The following TAF2 variants were observed in gnomAD, a reference collection of about 807,000 sequenced individuals.
TAF2 encodes the protein transcription initiation factor TFIID subunit 2.
A neutral mutation model predicts 138.5 loss-of-function variants in TAF2; 61 were observed. The observed-to-expected ratio is 0.44, with a 90% CI of 0.36 to 0.54. TAF2 has a LOEUF of 0.54. Ranked by LOEUF, TAF2 falls within the 20% of genes least tolerant of loss-of-function variation. TAF2 has a pLI of 0.00. For missense variants in TAF2, 1,090 were observed against 1,427.9 expected, an observed-to-expected ratio of 0.76 and a Z score of 3.81; for synonymous variants, 475 against 469.9, an observed-to-expected ratio of 1.01 and a Z score of -0.14.
At chr8:119,767,936 C>T (rs946198248) in intron 18 of TAF2, among the ~76,000 whole-genome samples, 1 of 152,186 alleles carries the variant, frequency 6.6e-6, no homozygotes, top group African/African-American at 2.4e-5. Flanking sequence ...TGCCACACTG[C>T]CACCTCGAGG....
chr8:119,765,968 C>T (rs1423030569), intron 18 of TAF2, among the ~76,000 whole-genome samples: 1 of 151,980 alleles, frequency 6.6e-6, no homozygotes, highest in East Asian at 1.9e-4. Context: ...TTTCAGGAGT[C>T]CAGGGAAGAA....
At chr8:119,804,071 T>C (rs1240756120) in intron 4 of TAF2, 52 bp from the exon 5 acceptor site, 4 of 1,594,600 alleles carry the variant, frequency 2.5e-6, no homozygotes, top group African/African-American at 1.3e-5. Context: ...CAGTGGTCTA[T>C]ATAATAAAGA....
intron 15 of TAF2, among the ~76,000 whole-genome samples, chr8:119,784,016 A>G (rs535552027): frequency 6.6e-6 from 1 of 152,380 alleles, no homozygotes; most frequent in East Asian, 1.9e-4. Flanking sequence ...AGCTGACTTA[A>G]GACTTTTTAA....
In TAF2 at chr8:119,791,693, G is replaced by A. The variant is rs1449795618; in HGVS notation, c.1278-234C>T. The stretch of plus-strand genomic sequence containing the variant: ...GGAAACAAACACCAAGCTCCTAGAT[G>A]GGAAGATACAATACTGTAAATACTT... On this transcript the variant is annotated intron_variant, in intron 10 of 25. Coordinates refer to ENST00000378164, the MANE Select transcript of TAF2 (RefSeq NM_003184.4). 6 of 451,582 alleles carry A rather than the reference G, an allele frequency of 1.3e-5. No individual in the cohort carries two copies. In the East Asian group the frequency reaches 2.0e-4, roughly 15 times the overall value. The allele number at this position is 451,582 out of a possible 1,614,324, so 28.0% of individuals were successfully genotyped here.
In TAF2 at chr8:119,746,714, AAATCCAACT is replaced by A; in HGVS notation, c.3090_3098del (p.Val1031_Phe1033del). 1 of 1,614,134 alleles carries A rather than the reference AAATCCAACT, an allele frequency of 6.2e-7. No homozygotes were observed. The highest frequency in any genetic ancestry group is 8.5e-7 in the Non-Finnish European group (1 of 1,179,986). On this transcript the variant is annotated inframe_deletion, in exon 23 of 26. Transcript: ENST00000378164. ...TACATGTGATTCTTACAGGGTTCTG[AAATCCAACT>A]AGCTGTGGGTGACTGCTTGGATTAT...
intron 3 of TAF2, among the ~76,000 whole-genome samples, chr8:119,814,386 A>C (rs1391657378): frequency 2.6e-5 from 4 of 152,146 alleles, no homozygotes; most frequent in Non-Finnish European, 5.9e-5. Context: ...GACATTAATG[A>C]AATAATTTTA....
chr8:119,791,239 G>A, intron 11 of TAF2, 85 bp downstream of exon 11: 1 of 1,508,752 alleles, frequency 6.6e-7, no homozygotes, highest in East Asian at 2.3e-5. Flanking sequence ...CAGATGTCCT[G>A]ACTCCTATTC....
At chr8:119,807,053 A>G (rs533746090) in intron 3 of TAF2, among the ~76,000 whole-genome samples, 1 of 152,342 alleles carries the variant, frequency 6.6e-6, no homozygotes, top group South Asian at 2.1e-4. Flanking sequence ...ATTATTCCCT[A>G]TCAATGTGGC....
At position 119,762,412 on chromosome 8, in the gene TAF2, T is replaced by G. The variant is rs1305467620; in HGVS notation, c.2558+3A>C. 35 of 1,613,070 alleles carry G rather than the reference T, an allele frequency of 2.2e-5. No individual in the cohort carries two copies. Among genetic ancestry groups the G allele is most frequent in the Non-Finnish European group, 3.0e-5 (35 of 1,179,310 alleles). Reference sequence around the variant, plus strand: ...AACTTTAAAGTAAGGAATTTAATCATACCTGACAGTGATGGTATGCCTGTA... The same window carrying G: ...AACTTTAAAGTAAGGAATTTAATCAGACCTGACAGTGATGGTATGCCTGTA... On this transcript the variant is annotated splice_donor_region_variant and intron_variant, in intron 19 of 25. Transcript: ENST00000378164.
intron 25 of TAF2, among the ~76,000 whole-genome samples, chr8:119,736,898 A>T (rs776073367): frequency 2.0e-5 from 3 of 152,214 alleles, no homozygotes; most frequent in Non-Finnish European, 4.4e-5. Flanking sequence ...TCATGGGTAT[A>T]AAATTAATAA....
rs756356304 is a variant in TAF2 at position 119,762,446 on chromosome 8, G to A, written c.2527C>T (p.Leu843Phe). ...ITRFLNMEKLLPSYRHTITVS... is the reference protein window; with the variant it reads ...ITRFLNMEKLFPSYRHTITVS... ...GTGATGGTATGCCTGTAACTCGGAA[G>A]AAGTTTTTCCATATTCAAAAATCTG... Residue 843 changes from leucine to phenylalanine, a missense_variant, in exon 19 of 26, where the codon CTT becomes TTT. Leu to Phe is a conservative substitution (Grantham distance 22). This residue lies in a region of TAF2 where 580 missense variants were observed against 719.6 expected (regional missense o/e 0.81). Transcript: ENST00000378164. 1.2e-6 allele frequency: 2 copies of A among 1,613,948 alleles called. No homozygotes were observed. Among genetic ancestry groups the A allele is most frequent in the Non-Finnish European group, 1.7e-6 (2 of 1,179,912 alleles).
chr8:119,812,734 T>TGG (rs1212360225), intron 3 of TAF2, among the ~76,000 whole-genome samples: 5 of 135,426 alleles, frequency 3.7e-5, no homozygotes, highest in Non-Finnish European at 7.9e-5. Context: ...TGTGTGTGTG[T>TGG]GTGTGTGTGT....
chr8:119,830,613 G>T (rs73705433), intron 2 of TAF2, among the ~76,000 whole-genome samples: 1,689 of 152,142 alleles, frequency 0.011, 33 homozygotes, highest in African/African-American at 0.039. Context: ...AATCTTTTAG[G>T]AACATTACAA....
At chr8:119,819,252 CAA>C (rs542219064) in intron 3 of TAF2, 92 bp downstream of exon 3, 27 of 1,166,944 alleles carry the variant, frequency 2.3e-5, no homozygotes, top group Non-Finnish European at 2.7e-5. Flanking sequence ...ATTAACGATC[CAA>C]AAAAAAAATA....
chr8:119,790,838 C>T (rs1041352794), intron 11 of TAF2, among the ~76,000 whole-genome samples: 3 of 152,012 alleles, frequency 2.0e-5, no homozygotes, highest in Non-Finnish European at 4.4e-5. Context: ...ACTCTGTCAC[C>T]CAGGCTGGTA....
intron 4 of TAF2, among the ~76,000 whole-genome samples, chr8:119,804,369 C>G (rs1377950712): frequency 6.6e-6 from 1 of 152,150 alleles, no homozygotes; most frequent in African/African-American, 2.4e-5. Context: ...AATCCAACCC[C>G]AAACTTACTG....
intron 21 of TAF2, among the ~76,000 whole-genome samples, chr8:119,756,947 T>C (rs1324725638): frequency 1.3e-5 from 2 of 152,150 alleles, no homozygotes; most frequent in Non-Finnish European, 2.9e-5. Context: ...GTTTGAGAAA[T>C]TACTAAGAGT....
chr8:119,778,999 G>A (rs561875439), intron 17 of TAF2, among the ~76,000 whole-genome samples: 1 of 152,060 alleles, frequency 6.6e-6, no homozygotes, highest in South Asian at 2.1e-4. Context: ...AAGAAGCAGA[G>A]ATAACAAGAG....
intron 2 of TAF2, among the ~76,000 whole-genome samples, chr8:119,829,861 T>G (rs1367002602): frequency 2.3e-5 from 3 of 129,672 alleles, no homozygotes; most frequent in Admixed American, 7.6e-5. Context: ...CTTTTTTTAG[T>G]TTTTTTTTTT....
Sources: gnomAD v4.1 joint callset for allele counts (sites outside exome capture counted in the v4.1 genomes callset) on GRCh38, gnomAD v4.1.1 for gene constraint, gnomAD v4.1.1 regional missense constraint, MANE v1.5 for transcripts, NCBI Gene and HGNC (gene_info 2026-07-23, HGNC 2026-07-21) for gene names.